Variants in PSPC1 observed in about 807,000 individuals in gnomAD.
PSPC1 encodes paraspeckle component 1.
A neutral mutation model predicts 51.6 loss-of-function variants in PSPC1; 14 were observed. The observed-to-expected ratio is 0.27, with a 90% CI of 0.18 to 0.42. The LOEUF (loss-of-function observed/expected upper bound fraction) is 0.42. PSPC1 is among the 10% of genes least tolerant of loss of function. The pLI is 1.00. For missense variants in PSPC1, 406 were observed against 701.1 expected (o/e 0.58, Z 4.75); for synonymous variants, 193 against 231.9 (o/e 0.83, Z 1.53).
chr13:19,758,428 A>G (rs1329969347), intron 3 of PSPC1, among the ~76,000 whole-genome samples: 1 of 152,152 alleles, frequency 6.6e-6, no homozygotes, highest in African/African-American at 2.4e-5. Context: ...GCAACCTCTA[A>G]GAGTTTTTCC....
chr13:19,729,000 T>C (rs1028563882), intron 6 of PSPC1, among the ~76,000 whole-genome samples: 1 of 152,160 alleles, frequency 6.6e-6, no homozygotes, highest in Admixed American at 6.5e-5. Context: ...ATTTCTAATA[T>C]TCTTCTTTCT....
At chr13:19,671,385 TA>T (rs1157283760), downstream of PSPC1, 17 of 1,113,986 alleles carry the variant, frequency 1.5e-5, no homozygotes, top group African/African-American at 9.3e-5. Flanking sequence ...AATCCTGGTG[TA>T]CCTGTCCTAG....
chr13:19,717,828 ATC>A (rs1882298750), intron 6 of PSPC1, among the ~76,000 whole-genome samples: 1 of 151,484 alleles, frequency 6.6e-6, no homozygotes, highest in Non-Finnish European at 1.5e-5. Flanking sequence ...GTGAGCTGAG[ATC>A]GTGCCACTGC....
At chr13:19,697,528 T>C (rs1402393633), downstream of PSPC1, among the ~76,000 whole-genome samples, 5 of 152,196 alleles carry the variant, frequency 3.3e-5, no homozygotes, top group Non-Finnish European at 7.4e-5. Context: ...AGAAAAGTTT[T>C]TGTAGACAAT....
At chr13:19,725,995 G>GA (rs1231614954) in intron 6 of PSPC1, among the ~76,000 whole-genome samples, 3 of 151,784 alleles carry the variant, frequency 2.0e-5, no homozygotes, top group African/African-American at 7.3e-5. Flanking sequence ...TCAAAAGAAA[G>GA]AAAAAAATGA....
At chr13:19,730,466 G>T in intron 5 of PSPC1, 122 bp from the exon 6 acceptor site, 3 of 805,624 alleles carry the variant, frequency 3.7e-6, no homozygotes, top group South Asian at 3.3e-5. Context: ...AATCACGACT[G>T]ACCACGGCAT....
chr13:19,714,725 G>A (rs1881883554), intron 6 of PSPC1, among the ~76,000 whole-genome samples: 1 of 151,938 alleles, frequency 6.6e-6, no homozygotes, highest in African/African-American at 2.4e-5. Context: ...GAACTCCTGA[G>A]CTCAAGTGAT....
At chr13:19,754,858 T>C (rs1006452988) in intron 3 of PSPC1, among the ~76,000 whole-genome samples, 4 of 152,186 alleles carry the variant, frequency 2.6e-5, no homozygotes, top group Non-Finnish European at 5.9e-5. Context: ...TCCAAACGTA[T>C]GCTTTATTTC....
At chr13:19,764,459 C>T (rs1458818976) in intron 2 of PSPC1, among the ~76,000 whole-genome samples, 2 of 151,692 alleles carry the variant, frequency 1.3e-5, no homozygotes, top group African/African-American at 4.8e-5. Context: ...ACTGATCTTT[C>T]CTCATTGTGG....
intron 2 of PSPC1, among the ~76,000 whole-genome samples, chr13:19,765,325 A>AAATAATAAT (rs1272556494): frequency 1.7e-4 from 24 of 145,454 alleles, no homozygotes; most frequent in Non-Finnish European, 2.8e-4. Context: ...CCCATCTCAA[A>AAATAATAAT]AATAATAATA....
downstream of PSPC1, chr13:19,671,951 C>G: frequency 1.4e-6 from 2 of 1,442,146 alleles, no homozygotes; most frequent in South Asian, 1.2e-5. Context: ...TGGAATTCTT[C>G]TAGCACATCT....
chr13:19,724,443 CCATG>C (rs1328357066), intron 6 of PSPC1, among the ~76,000 whole-genome samples: 4 of 152,056 alleles, frequency 2.6e-5, no homozygotes, highest in Non-Finnish European at 5.9e-5. Flanking sequence ...AACAAAAAGC[CCATG>C]CAAGAGGCAG....
chr13:19,714,488 C>T (rs559568145), intron 6 of PSPC1, among the ~76,000 whole-genome samples: 7 of 149,078 alleles, frequency 4.7e-5, no homozygotes, highest in African/African-American at 9.9e-5. Flanking sequence ...AGCAGCCCAG[C>T]GGATTTCTTT....
chr13:19,765,132 C>T (rs909484558), intron 2 of PSPC1, among the ~76,000 whole-genome samples: 2 of 151,548 alleles, frequency 1.3e-5, no homozygotes, highest in African/African-American at 4.8e-5. Context: ...GATGCAGCCA[C>T]GACAAACATG....
chr13:19,695,335 A>G lies in PSPC1; in HGVS notation c.1159-17512T>C, dbSNP rs180968763. ...ACATAAGTTAAGTACATTCTATTGC[A>G]AAGCAGAATCTAAGAATGTAAACAC... is the stretch of plus-strand genomic sequence containing the variant. On this transcript the variant is annotated intron_variant and NMD_transcript_variant, in intron 6 of 7. Transcript: ENST00000471658. Among the ~76,000 whole-genome samples, 3 of 152,334 alleles carry G rather than the reference A, an allele frequency of 2.0e-5. No individual in the cohort carries two copies. In the East Asian group the frequency reaches 5.8e-4, roughly 29 times the overall value.
chr13:19,711,431 T>C lies in PSPC1; in HGVS notation c.1159-1832A>G, dbSNP rs556886509. Among the ~76,000 whole-genome samples, 15 of 151,930 alleles carry C rather than the reference T, an allele frequency of 9.9e-5. 1 individual carries two copies. In the East Asian group the frequency reaches 2.9e-3, roughly 30 times the overall value. On this transcript the variant is annotated intron_variant, in intron 6 of 8. Coordinates refer to ENST00000338910, the MANE Select transcript of PSPC1 (RefSeq NM_001354909.2). ...ATGGGCGGATCATGAGGTCAGGAGA[T>C]TGAGACCATCCTGGCTAACACGGTG...
chr13:19,702,233 A>G (rs949942517), downstream of PSPC1, among the ~76,000 whole-genome samples: 40 of 152,340 alleles, frequency 2.6e-4, no homozygotes, highest in African/African-American at 9.4e-4. Context: ...TTTTAGGGAA[A>G]TATTTACAAC....
At chr13:19,709,700 T>G in intron 6 of PSPC1, 101 bp from the exon 7 acceptor site, 1 of 1,101,256 alleles carries the variant, frequency 9.1e-7, no homozygotes, top group Non-Finnish European at 1.3e-6. Flanking sequence ...ACATCATTTT[T>G]CATTAAAAAT....
At chr13:19,760,101 G>C (rs1402314971) in intron 2 of PSPC1, among the ~76,000 whole-genome samples, 1 of 152,096 alleles carries the variant, frequency 6.6e-6, no homozygotes, top group Non-Finnish European at 1.5e-5. Flanking sequence ...TGATACTTCT[G>C]AGACATTTTT....
Sources: gnomAD v4.1 joint callset for allele counts (sites outside exome capture counted in the v4.1 genomes callset) on GRCh38, gnomAD v4.1.1 for gene constraint, MANE v1.5 for transcripts, NCBI Gene and HGNC (gene_info 2026-07-23, HGNC 2026-07-21) for gene names.